Variants in HABP4 observed in about 807,000 individuals in gnomAD.
The protein encoded by HABP4 is intracellular hyaluronan-binding protein 4.
Under a neutral mutation model 44.1 loss-of-function variants are expected in HABP4, and 32 were observed. The observed-to-expected ratio is 0.73, with a 90% confidence interval of 0.55 to 0.97. HABP4 has a LOEUF of 0.97. Ranked by LOEUF, HABP4 falls within the 50% of genes least tolerant of loss-of-function variation. The pLI, the probability that HABP4 is intolerant of heterozygous loss-of-function variation, is 0.00. For synonymous variants in HABP4, 216 were observed against 218.0 expected (o/e 0.99, Z 0.08); for missense variants, 503 against 561.9 (o/e 0.90, Z 1.06).
At chr9:96,467,292 A>C (rs1447433052) in intron 4 of HABP4, among the ~76,000 whole-genome samples, 1 of 152,112 alleles carries the variant, frequency 6.6e-6, no homozygotes, top group Non-Finnish European at 1.5e-5. Flanking sequence ...GTACAAACTA[A>C]TATCAAATGT....
intron 5 of HABP4, among the ~76,000 whole-genome samples, chr9:96,474,070 G>A (rs1832740213): frequency 6.6e-6 from 1 of 152,150 alleles, no homozygotes; most frequent in Non-Finnish European, 1.5e-5. Context: ...GTGGTGCCTG[G>A]CATGTAGCTA....
intron 2 of HABP4, among the ~76,000 whole-genome samples, chr9:96,461,885 G>A (rs868480038): frequency 2.0e-5 from 3 of 152,192 alleles, no homozygotes; most frequent in Non-Finnish European, 2.9e-5. Flanking sequence ...TGGCGGCACA[G>A]TGGCTCATGC....
chr9:96,466,040 C>G (rs1012465475), intron 4 of HABP4, among the ~76,000 whole-genome samples: 1 of 152,160 alleles, frequency 6.6e-6, no homozygotes, highest in Non-Finnish European at 1.5e-5. Context: ...GCTGATGCCT[C>G]AAACATATGG....
At chr9:96,451,032 C>T (rs1314464319) in intron 1 of HABP4, among the ~76,000 whole-genome samples, 1 of 151,934 alleles carries the variant, frequency 6.6e-6, no homozygotes, top group Non-Finnish European at 1.5e-5. Context: ...CACCCGAGAG[C>T]GCGGTGGGGA....
intron 5 of HABP4, among the ~76,000 whole-genome samples, chr9:96,476,230 A>T (rs1832785095): frequency 6.6e-6 from 1 of 152,168 alleles, no homozygotes; most frequent in Non-Finnish European, 1.5e-5. Flanking sequence ...CTGCCTCGAT[A>T]TTCTTATCTG....
At chr9:96,487,309 T>G (rs1832992040) in intron 6 of HABP4, among the ~76,000 whole-genome samples, 1 of 152,102 alleles carries the variant, frequency 6.6e-6, no homozygotes, top group African/African-American at 2.4e-5. Context: ...TTACTTAAAG[T>G]GGGGTTTTTG....
chr9:96,471,273 G>A (rs190708454), intron 5 of HABP4, among the ~76,000 whole-genome samples, 179 bp downstream of exon 5: 1 of 152,234 alleles, frequency 6.6e-6, no homozygotes, highest in Non-Finnish European at 1.5e-5. Flanking sequence ...CTCCTGAGTA[G>A]TTGGGACAAT....
At chr9:96,473,810 G>A (rs10761035) in intron 5 of HABP4, among the ~76,000 whole-genome samples, 35,303 of 151,968 alleles carry the variant, frequency 0.23, 5,099 homozygotes, top group African/African-American at 0.41. Context: ...TTTACTCTTC[G>A]CCTATCTGTC....
chr9:96,478,656 G>A (rs985715043), intron 5 of HABP4, among the ~76,000 whole-genome samples: 1 of 140,310 alleles, frequency 7.1e-6, no homozygotes, highest in East Asian at 2.1e-4. Flanking sequence ...TGTTGTCATC[G>A]TTTTTTTTTT....
intron 1 of HABP4, among the ~76,000 whole-genome samples, chr9:96,452,467 G>T (rs901835768): frequency 1.3e-5 from 2 of 151,956 alleles, no homozygotes; most frequent in Non-Finnish European, 2.9e-5. Context: ...GATATAAACT[G>T]GGTTGCAACC....
At chr9:96,480,645 G>A (rs1414072556) in intron 5 of HABP4, among the ~76,000 whole-genome samples, 1 of 152,070 alleles carries the variant, frequency 6.6e-6, no homozygotes, top group Non-Finnish European at 1.5e-5. Context: ...ATAAATTGTA[G>A]ACATCTGTAC....
In HABP4 at chr9:96,450,798, C is replaced by T. The variant is rs1287217020; in HGVS notation, c.349+170C>T. 6.6e-6 allele frequency among the ~76,000 whole-genome samples: 1 copy of T among 152,120 alleles called. No individual in the cohort carries two copies. Among genetic ancestry groups the T allele is most frequent in the Non-Finnish European group, 1.5e-5 (1 of 68,028 alleles). On this transcript the variant is annotated intron_variant, in intron 1 of 7. Transcript: ENST00000375249. The surrounding 1 kb of genome is among the most constrained non-coding windows in gnomAD (Gnocchi z 4.8). Reference sequence around the variant, plus strand: ...CAGGGGTCACACCCCTTCCAGCTCTCGCCAGCCTCGTGCGGGGCTCCGGGG... The same window carrying T: ...CAGGGGTCACACCCCTTCCAGCTCTTGCCAGCCTCGTGCGGGGCTCCGGGG...
chr9:96,472,715 G>A (rs10820666), intron 5 of HABP4, among the ~76,000 whole-genome samples: 3 of 151,986 alleles, frequency 2.0e-5, no homozygotes, highest in South Asian at 2.1e-4. Flanking sequence ...TCTCTCCTGC[G>A]TAAGTGTCCT....
At chr9:96,489,402 G>A (rs775116614) in intron 7 of HABP4, among the ~76,000 whole-genome samples, 20 of 151,828 alleles carry the variant, frequency 1.3e-4, no homozygotes, top group Non-Finnish European at 1.3e-4. Flanking sequence ...CCTCAGAACC[G>A]CCCTTAGGGC....
rs978689228 is a variant in HABP4, at chr9:96,490,911, T to A, written c.*873T>A. The stretch of plus-strand genomic sequence containing the variant: ...ATAACTAGTATTTATTAAGCACTTA[T>A]AAGCAGTTTTTCTCACTTAGTCCTG... On this transcript the variant is annotated 3_prime_UTR_variant, in exon 8 of 8. Coordinates refer to ENST00000375249, the MANE Select transcript of HABP4 (RefSeq NM_014282.4). 6.6e-6 allele frequency: 1 copy of A among 152,260 alleles called. No homozygotes were observed. Among genetic ancestry groups the A allele is most frequent in the Non-Finnish European group, 1.5e-5 (1 of 68,050 alleles). The allele number at this position is 152,260 out of a possible 1,614,324, so 9.4% of individuals were successfully genotyped here. A position where few individuals can be genotyped will look rare whatever the true frequency, so the allele number is the denominator to read the frequency against.
Position 96,488,328 on chromosome 9 carries a change from G to A in HABP4, c.1185+54G>A, listed in dbSNP as rs185889299. 195 of 1,272,450 alleles carry A rather than the reference G, an allele frequency of 1.5e-4. No individual in the cohort carries two copies. The African/African-American group carries it at 2.4e-3, about 15-fold the overall frequency. The allele number at this position is 1,272,450 out of a possible 1,614,324, so 78.8% of individuals were successfully genotyped here. ...AAGAAGTTAATAAGGACAGTGCCCT[G>A]GGCCCAGGATGGTCTAATTTCAGAG... On this transcript the variant is annotated intron_variant, in intron 7 of 7. Coordinates refer to ENST00000375249, the MANE Select transcript of HABP4 (RefSeq NM_014282.4). This position sits in a 1 kb window ranked among gnomAD's most constrained non-coding sequence, Gnocchi z 4.6.
At chr9:96,452,664 T>G (rs193045122) in intron 1 of HABP4, among the ~76,000 whole-genome samples, 1 of 152,300 alleles carries the variant, frequency 6.6e-6, no homozygotes, top group Non-Finnish European at 1.5e-5. Context: ...AACAGCTCAT[T>G]AATTTCCATT....
chr9:96,459,047 T>C (rs1261397326), intron 2 of HABP4, among the ~76,000 whole-genome samples: 2 of 152,218 alleles, frequency 1.3e-5, no homozygotes, highest in Non-Finnish European at 2.9e-5. Context: ...TCCTCATAGA[T>C]GCCTTTACGT....
chr9:96,466,729 T>G (rs556694145), intron 4 of HABP4, among the ~76,000 whole-genome samples: 1 of 152,132 alleles, frequency 6.6e-6, no homozygotes, highest in Non-Finnish European at 1.5e-5. Flanking sequence ...TTCTGCTAGT[T>G]AGAGTGGATA....
Sources: gnomAD v4.1 joint callset for allele counts (sites outside exome capture counted in the v4.1 genomes callset) on GRCh38, gnomAD v4.1.1 for gene constraint, Gnocchi (gnomAD v3.1) non-coding constraint, MANE v1.5 for transcripts, NCBI Gene and HGNC (gene_info 2026-07-23, HGNC 2026-07-21) for gene names.